Variants in SGCD observed in about 807,000 individuals in gnomAD.
The protein encoded by SGCD is delta-sarcoglycan.
In SGCD, 18 loss-of-function variants were observed where a neutral mutation model predicts 36.6. That is an observed-to-expected ratio of 0.49 (90% CI 0.34 to 0.73). SGCD has a LOEUF of 0.73. Ranked by LOEUF, SGCD falls within the 30% of genes least tolerant of loss-of-function variation. SGCD has a pLI of 0.01. For synonymous variants in SGCD, 133 were observed against 130.6 expected, an observed-to-expected ratio of 1.02 and a Z score of -0.12; for missense variants, 387 against 346.7, an observed-to-expected ratio of 1.12 and a Z score of -0.92.
At chr5:156,513,106 T>C (rs1265914302) in intron 4 of SGCD, among the ~76,000 whole-genome samples, 1 of 152,162 alleles carries the variant, frequency 6.6e-6, no homozygotes, top group Admixed American at 6.5e-5. Flanking sequence ...CTTTGATATG[T>C]CCACAAAAAT....
At chr5:156,189,012 C>T (rs1763829211) in intron 3 of SGCD, among the ~76,000 whole-genome samples, 1 of 152,132 alleles carries the variant, frequency 6.6e-6, no homozygotes, top group Non-Finnish European at 1.5e-5. Context: ...AATTTGTGTG[C>T]CTTTTCTCCA....
chr5:155,942,334 G>GTATGTATGTATCTATCTATC (rs779514666), intron 1 of SGCD, among the ~76,000 whole-genome samples: 2 of 138,414 alleles, frequency 1.4e-5, no homozygotes, highest in African/African-American at 2.7e-5. Flanking sequence ...ATGTATGTAT[G>GTATGTATGTATCTATCTATC]TATCTATCTA....
At chr5:156,071,813 T>C (rs1393379978) in intron 1 of SGCD, among the ~76,000 whole-genome samples, 7 of 152,220 alleles carry the variant, frequency 4.6e-5, no homozygotes, top group Non-Finnish European at 1.0e-4. Context: ...ATCTGGGTGC[T>C]CCTGTATTGG....
At chr5:156,130,254 T>C (rs1762283535) in intron 3 of SGCD, among the ~76,000 whole-genome samples, 1 of 152,222 alleles carries the variant, frequency 6.6e-6, no homozygotes, top group African/African-American at 2.4e-5. Context: ...ATATTGAGCT[T>C]TTTTTCATAT....
chr5:155,807,624 A>T, the SGCD span, among the ~76,000 whole-genome samples: 1 of 152,258 alleles, frequency 6.6e-6, no homozygotes, highest in Non-Finnish European at 1.5e-5. Context: ...TTTCTTAGAT[A>T]ATTTTGCCAA....
intron 3 of SGCD, 48 bp downstream of exon 3, chr5:156,344,725 G>C: frequency 7.1e-7 from 1 of 1,404,364 alleles, no homozygotes; most frequent in Non-Finnish European, 9.9e-7. Flanking sequence ...GGGAGGGGAA[G>C]CGTGGGGCAA....
At chr5:156,660,625 AAGT>A (rs1763882520) in intron 7 of SGCD, among the ~76,000 whole-genome samples, 1 of 147,404 alleles carries the variant, frequency 6.8e-6, no homozygotes, top group Non-Finnish European at 1.5e-5. Context: ...TGTTCTGCAG[AAGT>A]AGTAGTCTGA....
At chr5:156,293,788 C>T (rs1198654398) in intron 3 of SGCD, among the ~76,000 whole-genome samples, 1 of 151,986 alleles carries the variant, frequency 6.6e-6, no homozygotes, top group East Asian at 1.9e-4. Context: ...ATTGTTTTGG[C>T]TCTTCAGGAT....
chr5:156,138,324 C>T (rs1399714876), intron 3 of SGCD, among the ~76,000 whole-genome samples: 3 of 152,166 alleles, frequency 2.0e-5, no homozygotes, highest in African/African-American at 7.2e-5. Context: ...TCACTTGAAC[C>T]CAGGAGGCAG....
chr5:156,389,584 T>C (rs940648807), intron 3 of SGCD, among the ~76,000 whole-genome samples: 1 of 152,016 alleles, frequency 6.6e-6, no homozygotes, highest in Non-Finnish European at 1.5e-5. Context: ...CTGGGGGTGG[T>C]GCTAGAGGGT....
At chr5:156,069,433 T>C (rs990301297) in intron 1 of SGCD, among the ~76,000 whole-genome samples, 3 of 152,146 alleles carry the variant, frequency 2.0e-5, no homozygotes, top group Admixed American at 1.3e-4. Context: ...CAGATAGTTG[T>C]AGATATGTGG....
chr5:156,722,530 A>G (rs1031423007), intron 7 of SGCD, among the ~76,000 whole-genome samples: 68 of 152,192 alleles, frequency 4.5e-4, no homozygotes, highest in African/African-American at 1.6e-3. Context: ...TTCAGAATTC[A>G]CCATGATAAA....
At chr5:156,748,774 T>A (rs1004394899) in intron 7 of SGCD, among the ~76,000 whole-genome samples, 1 of 152,146 alleles carries the variant, frequency 6.6e-6, no homozygotes, top group Non-Finnish European at 1.5e-5. Flanking sequence ...TTATACATAC[T>A]GAGACAAAAA....
intron 1 of SGCD, among the ~76,000 whole-genome samples, chr5:155,885,679 T>C: frequency 6.6e-6 from 1 of 152,242 alleles, no homozygotes; most frequent in East Asian, 1.9e-4. Flanking sequence ...GGAATTCAGC[T>C]TTCTATGTTA....
At chr5:155,942,967 C>T (rs1312909023) in intron 1 of SGCD, among the ~76,000 whole-genome samples, 2 of 152,148 alleles carry the variant, frequency 1.3e-5, no homozygotes, top group Non-Finnish European at 2.9e-5. Flanking sequence ...GCCTCCTAGA[C>T]TTTTGTTAGT....
intron 6 of SGCD, among the ~76,000 whole-genome samples, chr5:156,606,890 T>C (rs558727083): frequency 6.6e-6 from 1 of 152,354 alleles, no homozygotes; most frequent in African/African-American, 2.4e-5. Context: ...TTTTTGCACA[T>C]TGACTTTGTA....
chr5:155,915,276 A>G (rs756365780), intron 1 of SGCD, among the ~76,000 whole-genome samples: 3 of 152,126 alleles, frequency 2.0e-5, no homozygotes, highest in Non-Finnish European at 4.4e-5. Flanking sequence ...TATGCACTCT[A>G]TGTGTGTCTA....
At chr5:155,749,693 A>C in the SGCD span, among the ~76,000 whole-genome samples, 1 of 152,228 alleles carries the variant, frequency 6.6e-6, no homozygotes, top group Non-Finnish European at 1.5e-5. Flanking sequence ...TTCATTCTTT[A>C]ATCTCTTCAA....
intron 2 of SGCD, among the ~76,000 whole-genome samples, chr5:156,342,208 C>T (rs574830867): frequency 4.6e-5 from 7 of 152,182 alleles, no homozygotes; most frequent in Non-Finnish European, 7.3e-5. Context: ...TTTATAGCTA[C>T]GTTTATGTAA....
Sources: gnomAD v4.1 joint callset for allele counts (sites outside exome capture counted in the v4.1 genomes callset) on GRCh38, gnomAD v4.1.1 for gene constraint, MANE v1.5 for transcripts, NCBI Gene and HGNC (gene_info 2026-07-23, HGNC 2026-07-21) for gene names.